The following AFF3 variants were observed in gnomAD, a reference collection of about 807,000 sequenced individuals.
The protein encoded by AFF3 is ALF transcription elongation factor 3, also known as AF4/FMR2 family member 3.
Under a neutral mutation model 129.7 loss-of-function variants are expected in AFF3, and 32 were observed. The observed-to-expected ratio is 0.25, with a 90% CI of 0.19 to 0.33. The LOEUF (loss-of-function observed/expected upper bound fraction) is 0.33. AFF3 is among the 10% of genes least tolerant of loss of function. The probability of loss-of-function intolerance (pLI) is 1.00; values close to 1 mark genes in which losing one functional copy is unlikely to be tolerated. For missense variants in AFF3, 1,373 were observed against 1,592.0 expected (o/e 0.86, Z 2.34); for synonymous variants, 644 against 635.4 (o/e 1.01, Z -0.20).
intron 14 of AFF3, among the ~76,000 whole-genome samples, chr2:99,596,885 T>C (rs1418605023): frequency 6.6e-6 from 1 of 152,150 alleles, no homozygotes; most frequent in African/African-American, 2.4e-5. Context: ...CATCACTAAA[T>C]CATACTTTTT....
At chr2:99,914,518 T>C (rs752203048) in intron 7 of AFF3, among the ~76,000 whole-genome samples, 2 of 152,200 alleles carry the variant, frequency 1.3e-5, no homozygotes, top group African/African-American at 2.4e-5. Flanking sequence ...CTGTAGATTA[T>C]AGCATTGTAT....
chr2:99,839,116 C>CT (rs909186461), intron 7 of AFF3, among the ~76,000 whole-genome samples: 6 of 150,302 alleles, frequency 4.0e-5, no homozygotes, highest in South Asian at 4.2e-4. Context: ...TCTGTTTTAA[C>CT]TTTTTTTTTT....
chr2:99,976,798 GT>G (rs3073411), intron 7 of AFF3, among the ~76,000 whole-genome samples: 9,048 of 132,198 alleles, frequency 0.068, 596 homozygotes, highest in African/African-American at 0.18. Context: ...TTTTGTTCCT[GT>G]TTTTTTTTTT....
intron 7 of AFF3, among the ~76,000 whole-genome samples, chr2:99,843,293 T>C (rs1278198606): frequency 1.3e-5 from 2 of 152,204 alleles, no homozygotes; most frequent in East Asian, 3.9e-4. Flanking sequence ...AAATTCAGCC[T>C]GTCTCACACC....
chr2:99,647,356 T>C (rs1004223171), intron 13 of AFF3, among the ~76,000 whole-genome samples: 1 of 152,126 alleles, frequency 6.6e-6, no homozygotes, highest in Non-Finnish European at 1.5e-5. Context: ...TGCAGAGACA[T>C]GGATGGAGCC....
intron 10 of AFF3, among the ~76,000 whole-genome samples, chr2:99,730,365 C>G (rs1022066744): frequency 6.6e-6 from 1 of 152,138 alleles, no homozygotes; most frequent in African/African-American, 2.4e-5. Flanking sequence ...GGAATTCATG[C>G]TCTTTAAACA....
intron 7 of AFF3, among the ~76,000 whole-genome samples, chr2:99,986,217 A>G (rs948764099): frequency 7.2e-6 from 1 of 137,976 alleles, no homozygotes; most frequent in African/African-American, 2.9e-5. Context: ...TAATAATAAT[A>G]ATAATAATAA....
At chr2:99,719,815 C>T (rs530704513) in intron 11 of AFF3, among the ~76,000 whole-genome samples, 2 of 152,210 alleles carry the variant, frequency 1.3e-5, no homozygotes, top group South Asian at 4.1e-4. Flanking sequence ...TTTGTGAGGC[C>T]GAGGAGGGTG....
At chr2:99,851,238 A>T (rs757909949) in intron 7 of AFF3, among the ~76,000 whole-genome samples, 1 of 152,248 alleles carries the variant, frequency 6.6e-6, no homozygotes, top group Non-Finnish European at 1.5e-5. Flanking sequence ...CAAGACAGGC[A>T]AGATTTTCCA....
intron 12 of AFF3, among the ~76,000 whole-genome samples, chr2:99,660,160 T>G (rs1377108379): frequency 6.6e-6 from 1 of 152,188 alleles, no homozygotes. Context: ...TTTGGTAGAG[T>G]CCTGTCCACT....
intron 11 of AFF3, among the ~76,000 whole-genome samples, chr2:99,676,350 C>T (rs1687605023): frequency 6.6e-6 from 1 of 152,182 alleles, no homozygotes. Flanking sequence ...TGCAGCAACT[C>T]CTCCAAGGTG....
chr2:100,048,487 T>A (rs1686020621), intron 4 of AFF3, among the ~76,000 whole-genome samples: 1 of 152,366 alleles, frequency 6.6e-6, no homozygotes, highest in Non-Finnish European at 1.5e-5. Flanking sequence ...TAGTCTAGTT[T>A]TACATGTAAT....
Position 99,924,976 on chromosome 2 carries a change from A to C in AFF3, c.873+81656T>G, listed in dbSNP as rs77066091. Among the ~76,000 whole-genome samples the C allele has an allele frequency of 1.4e-3, 218 of 152,060 alleles. 2 individuals are homozygous for C. The highest frequency in any genetic ancestry group is 4.7e-3 in the African/African-American group (196 of 41,446). ...CTGCAGCCTTGACCTTCCGGGCTCA[A>C]GCAGTCCTTCCACCTCAGCCACCTG... is the stretch of plus-strand genomic sequence containing the variant. On this transcript the variant is annotated intron_variant, in intron 7 of 24. Coordinates refer to ENST00000672756, the MANE Select transcript of AFF3 (RefSeq NM_001386135.1).
At chr2:99,717,075 T>C (rs1350896192) in intron 11 of AFF3, among the ~76,000 whole-genome samples, 1 of 152,224 alleles carries the variant, frequency 6.6e-6, no homozygotes, top group Non-Finnish European at 1.5e-5. Context: ...GTGAGCAGTT[T>C]GTTGCTATTT....
intron 4 of AFF3, among the ~76,000 whole-genome samples, chr2:100,038,314 T>C (rs749377002): frequency 2.4e-4 from 37 of 151,776 alleles, no homozygotes; most frequent in Non-Finnish European, 3.4e-4. Flanking sequence ...CCCAACCCCA[T>C]TCACTTTGGG....
rs148537357 is a variant in AFF3, at chr2:99,862,640, C to G, written c.874-25116G>C. ...CACATTCCTAGCTTGTTCCTTTATG[C>G]TCTTCATCCTGTGTAAGAACCAGTG... On this transcript the variant is annotated intron_variant, in intron 7 of 24. Coordinates refer to ENST00000672756, the MANE Select transcript of AFF3 (RefSeq NM_001386135.1). Among the ~76,000 whole-genome samples, 333 of 152,368 alleles carry G rather than the reference C, an allele frequency of 2.2e-3. 1 individual carries two copies. Among genetic ancestry groups the G allele is most frequent in the Non-Finnish European group, 3.7e-3 (255 of 68,036 alleles).
At chr2:99,658,930 T>A (rs1034231443) in intron 12 of AFF3, among the ~76,000 whole-genome samples, 1 of 152,056 alleles carries the variant, frequency 6.6e-6, no homozygotes, top group African/African-American at 2.4e-5. Context: ...ATAATAGGAG[T>A]CACCTCTTAG....
intron 4 of AFF3, 76 bp from the exon 5 acceptor site, chr2:100,009,008 G>C (rs906968361): frequency 6.4e-7 from 1 of 1,551,476 alleles, no homozygotes; most frequent in Non-Finnish European, 8.7e-7. Context: ...ACTTGTGTGA[G>C]TGCAGAAGTC....
rs192814727 is a variant in AFF3, at chr2:99,831,062, C to T, written c.921+6415G>A. On this transcript the variant is annotated intron_variant, in intron 8 of 24. Coordinates refer to ENST00000672756, the MANE Select transcript of AFF3 (RefSeq NM_001386135.1). ...ATGCCAGTGAACCTAAAGGGCACAT[C>T]TTTGGGATGTGAGAGGAAACTGGAG... Among the ~76,000 whole-genome samples the T allele has an allele frequency of 4.7e-3, 720 of 152,274 alleles. 8 individuals carry two copies. The highest frequency in any genetic ancestry group is 6.1e-3 in the Non-Finnish European group (416 of 68,028).
Sources: allele counts gnomAD v4.1 joint callset (sites outside exome capture counted in the v4.1 genomes callset), GRCh38; gene constraint gnomAD v4.1.1; transcripts MANE v1.5; gene names NCBI Gene and HGNC (gene_info 2026-07-23, HGNC 2026-07-21).